Variants in SLC4A5 observed in about 807,000 individuals in gnomAD.
SLC4A5 encodes the protein solute carrier family 4 member 5, also known as electrogenic sodium bicarbonate cotransporter 4.
In SLC4A5, 96 loss-of-function variants were observed where a neutral mutation model predicts 120.4. The ratio of observed to expected loss-of-function variants is 0.80; its 90% CI spans 0.68 to 0.94. The LOEUF is 0.94. SLC4A5 is among the 40% of genes least tolerant of loss of function. The pLI is 0.00. For missense variants in SLC4A5, 1,259 were observed against 1,459.5 expected (o/e 0.86, Z 2.24); for synonymous variants, 550 against 571.1 (o/e 0.96, Z 0.53).
chr2:74,293,273 A>C (rs1672229615), intron 7 of SLC4A5, among the ~76,000 whole-genome samples: 1 of 152,168 alleles, frequency 6.6e-6, no homozygotes, highest in Admixed American at 6.5e-5. Context: ...TGAGAGAGGA[A>C]GAGGAGAGAA....
chr2:74,252,068 G>A, intron 16 of SLC4A5, 111 bp downstream of exon 16: 1 of 1,155,536 alleles, frequency 8.7e-7, no homozygotes, highest in South Asian at 1.4e-5. Flanking sequence ...GAAGGCAGGG[G>A]TGACCTCGAG....
At chr2:74,289,323 C>CTTTT (rs113336645) in intron 7 of SLC4A5, among the ~76,000 whole-genome samples, 1 of 148,098 alleles carries the variant, frequency 6.8e-6, no homozygotes, top group Non-Finnish European at 1.5e-5. Flanking sequence ...TTTTCTATTA[C>CTTTT]TTTTTTTTTT....
At chr2:74,264,079 C>T in intron 10 of SLC4A5, 68 bp downstream of exon 10, 1 of 1,544,026 alleles carries the variant, frequency 6.5e-7, no homozygotes, top group Non-Finnish European at 8.7e-7. Context: ...AAGGTGGGCT[C>T]ACCCGGGTAC....
chr2:74,242,739 A>G (rs988843679), intron 19 of SLC4A5, among the ~76,000 whole-genome samples: 3 of 151,706 alleles, frequency 2.0e-5, no homozygotes, highest in African/African-American at 7.3e-5. Flanking sequence ...TGCAATCTCT[A>G]CCTCCCAGGT....
chr2:74,283,350 C>A (rs1195543456), intron 8 of SLC4A5, among the ~76,000 whole-genome samples: 1 of 152,172 alleles, frequency 6.6e-6, no homozygotes, highest in Non-Finnish European at 1.5e-5. Flanking sequence ...TTGCAGGAGA[C>A]AAGCCGTGAA....
At chr2:74,337,166 C>T (rs1236210116) in intron 3 of SLC4A5, among the ~76,000 whole-genome samples, 40 of 152,200 alleles carry the variant, frequency 2.6e-4, no homozygotes, top group Non-Finnish European at 1.5e-5. Context: ...ACAGAGAAAG[C>T]AGCATCCCTC....
In SLC4A5 at chr2:74,261,746, G is replaced by A. The variant is rs1486490217; in HGVS notation, c.811+391C>T. Among the ~76,000 whole-genome samples the A allele has an allele frequency of 2.0e-5, 3 of 152,290 alleles. No homozygotes were observed. In the East Asian group the frequency reaches 5.8e-4, roughly 29 times the overall value. On this transcript the variant is annotated intron_variant, in intron 11 of 30. Transcript: ENST00000394019. ...GAGACTGCCACCCAGTGATGGGAAT[G>A]CTGCCTGACTGAACTGAAGGAAAGG...
intron 18 of SLC4A5, 72 bp from the exon 19 acceptor site, chr2:74,247,379 C>G: frequency 6.7e-7 from 1 of 1,499,070 alleles, no homozygotes; most frequent in African/African-American, 1.4e-5. Flanking sequence ...TCAGACTCAT[C>G]CTTAAGTGGC....
intron 9 of SLC4A5, 98 bp downstream of exon 9, chr2:74,265,006 G>T: frequency 7.4e-7 from 1 of 1,347,168 alleles, no homozygotes; most frequent in Non-Finnish European, 1.0e-6. Context: ...TGTCAGAGAC[G>T]GGCCGTCACA....
chr2:74,330,312 A>G (rs1264275641), intron 4 of SLC4A5, among the ~76,000 whole-genome samples: 1 of 142,626 alleles, frequency 7.0e-6, no homozygotes, highest in Non-Finnish European at 1.5e-5. Context: ...GTGGTGAGGT[A>G]TAGGTGAGGG....
intron 24 of SLC4A5, 58 bp downstream of exon 24, chr2:74,232,398 GCAAAGCCAGCTTC>G: frequency 1.3e-6 from 2 of 1,547,086 alleles, no homozygotes; most frequent in African/African-American, 1.4e-5. Context: ...TTTGTGGCAG[GCAAAGCCAGCTTC>G]TCCTCCCCGA....
chr2:74,285,749 C>T (rs1356213322), intron 8 of SLC4A5, 24 bp downstream of exon 8: 1 of 1,605,514 alleles, frequency 6.2e-7, no homozygotes, highest in African/African-American at 1.3e-5. Flanking sequence ...AAGTGCCCAC[C>T]TCCCTCGTGG....
intron 4 of SLC4A5, among the ~76,000 whole-genome samples, chr2:74,328,847 G>A (rs1673281532): frequency 6.6e-6 from 1 of 152,226 alleles, no homozygotes; most frequent in Non-Finnish European, 1.5e-5. Flanking sequence ...GTGGCAGTCT[G>A]TACTTGTGGT....
At chr2:74,266,767 T>C (rs1046660054) in intron 8 of SLC4A5, among the ~76,000 whole-genome samples, 2 of 152,094 alleles carry the variant, frequency 1.3e-5, no homozygotes, top group Admixed American at 1.3e-4. Context: ...TTGGAGAATA[T>C]TGTGGAGAAA....
intron 8 of SLC4A5, among the ~76,000 whole-genome samples, chr2:74,271,437 G>A (rs1250186625): frequency 6.6e-6 from 1 of 152,048 alleles, no homozygotes; most frequent in Admixed American, 6.6e-5. Context: ...AAAACGGGTG[G>A]GATCCAGGCA....
chr2:74,238,561 G>A (rs774195857), intron 21 of SLC4A5, among the ~76,000 whole-genome samples: 3 of 152,134 alleles, frequency 2.0e-5, no homozygotes, highest in Non-Finnish European at 2.9e-5. Context: ...AACAGACCCT[G>A]TCATATAGGA....
At chr2:74,275,850 T>C (rs1403285640) in intron 8 of SLC4A5, among the ~76,000 whole-genome samples, 1 of 152,168 alleles carries the variant, frequency 6.6e-6, no homozygotes, top group East Asian at 1.9e-4. Flanking sequence ...CTGAGACCCT[T>C]AGAGGATGAG....
At chr2:74,248,756 T>C (rs1670698847) in intron 17 of SLC4A5, among the ~76,000 whole-genome samples, 1 of 152,224 alleles carries the variant, frequency 6.6e-6, no homozygotes, top group Non-Finnish European at 1.5e-5. Flanking sequence ...GATGTGCTTT[T>C]CTCTGTGTCC....
At chr2:74,237,055 C>T (rs1670290769) in intron 21 of SLC4A5, among the ~76,000 whole-genome samples, 1 of 150,976 alleles carries the variant, frequency 6.6e-6, no homozygotes, top group African/African-American at 2.4e-5. Context: ...TTGCTCACGG[C>T]AAGCTCTGCC....
Sources: allele counts gnomAD v4.1 joint callset (sites outside exome capture counted in the v4.1 genomes callset), GRCh38; gene constraint gnomAD v4.1.1; transcripts MANE v1.5; gene names NCBI Gene and HGNC (gene_info 2026-07-23, HGNC 2026-07-21).